SNRPB2: variants seen among roughly 807,000 people sequenced by gnomAD.
The protein encoded by SNRPB2 is small nuclear ribonucleoprotein polypeptide B2.
In SNRPB2, 16 loss-of-function variants were observed where a neutral mutation model predicts 26.3. That is an observed-to-expected ratio of 0.61 (90% CI 0.41 to 0.92). SNRPB2 has a LOEUF of 0.92. Among genes scored for constraint, SNRPB2 ranks in the 40% least tolerant of loss-of-function variants. The pLI is 0.00. For missense variants in SNRPB2, 179 were observed against 268.1 expected (o/e 0.67, Z 2.32); for synonymous variants, 75 against 89.0 (o/e 0.84, Z 0.88).
In SNRPB2 at chr20:16,740,415, T is replaced by C. The variant is rs1232190334; in HGVS notation, c.518+2T>C. ...GATGTTATCCATGCTGTTTAATCAG[T>C]AAGTTTTTTCATAAATAAGTCTGTT... is the stretch of plus-strand genomic sequence containing the variant. On this transcript the variant is annotated splice_donor_variant, in intron 6 of 6. Transcript: ENST00000246071. LOFTEE classifies it high-confidence loss of function. 6.2e-7 allele frequency: 1 copy of C among 1,610,676 alleles called. No homozygotes were observed. Among genetic ancestry groups the C allele is most frequent in the East Asian group, 2.2e-5 (1 of 44,808 alleles).
At position 16,741,812 on chromosome 20, in the gene SNRPB2, T is replaced by G. The variant is rs1018934490; in HGVS notation, c.*807T>G. On this transcript the variant is annotated 3_prime_UTR_variant, in exon 7 of 7. Transcript: ENST00000246071. ...TCTTTGTAATTCTTAAACACCAATG[T>G]TCAAATATTTCCAAAGCCCATTTTC... The G allele has an allele frequency of 6.6e-6, 1 of 152,228 alleles. No homozygotes were observed. The highest frequency in any genetic ancestry group is 2.4e-5 in the African/African-American group (1 of 41,470). The allele number at this position is 152,228 out of a possible 1,614,324, so 9.4% of individuals were successfully genotyped here. A position where few individuals can be genotyped will look rare whatever the true frequency, so the allele number is the denominator to read the frequency against.
Position 16,732,342 on chromosome 20 carries a change from C to T in SNRPB2, c.237+6C>T, listed in dbSNP as rs1167479429. On this transcript the variant is annotated splice_donor_region_variant and intron_variant, in intron 3 of 6. Transcript: ENST00000246071. The stretch of plus-strand genomic sequence containing the variant: ...CATTTTATGGTAAACCAATGGTAAG[C>T]CAATTCCATTATTTCACTTTAATCA... 6.7e-7 allele frequency: 1 copy of T among 1,483,572 alleles called. No homozygotes were observed. The highest frequency in any genetic ancestry group is 9.2e-7 in the Non-Finnish European group (1 of 1,091,166). The allele number at this position is 1,483,572 out of a possible 1,614,324, so 91.9% of individuals were successfully genotyped here. A position where few individuals can be genotyped will look rare whatever the true frequency, so the allele number is the denominator to read the frequency against.
chr20:16,742,094 T>TA lies in SNRPB2; in HGVS notation c.*1090dup, dbSNP rs1424501766. On this transcript the variant is annotated 3_prime_UTR_variant, in exon 7 of 7. Coordinates refer to ENST00000246071, the MANE Select transcript of SNRPB2 (RefSeq NM_003092.5). ...TACGTAGACAGTATCACATCACTCTTATGCATACATAAAGAGGAAAAAAAT... is the reference window on the plus strand; with the variant it reads ...TACGTAGACAGTATCACATCACTCTTAATGCATACATAAAGAGGAAAAAAAT... 6.6e-6 allele frequency: 1 copy of TA among 152,214 alleles called. No individual in the cohort carries two copies. Among genetic ancestry groups the TA allele is most frequent in the African/African-American group, 2.4e-5 (1 of 41,458 alleles). 9.4% of individuals were successfully genotyped at this position (152,214 alleles called of 1,614,324 possible).
chr20:16,737,458 T>G lies in SNRPB2; in HGVS notation c.378+57T>G, dbSNP rs2072433917. On this transcript the variant is annotated intron_variant, in intron 4 of 6. Transcript: ENST00000246071. ...TTGGTGTTAAAAACTTGATAGATGC[T>G]TGTCTTACAGGTAAGGAATGATCTT... is the stretch of plus-strand genomic sequence containing the variant. The G allele has an allele frequency of 2.7e-6, 4 of 1,464,490 alleles. No homozygotes were observed. The East Asian group carries it at 9.2e-5, about 34-fold the overall frequency. 90.7% of individuals were successfully genotyped at this position (1,464,490 alleles called of 1,614,324 possible).
intron 4 of SNRPB2, among the ~76,000 whole-genome samples, 171 bp from the exon 5 acceptor site, chr20:16,738,681 T>G (rs1404340280): frequency 2.0e-5 from 3 of 152,142 alleles, no homozygotes; most frequent in Non-Finnish European, 4.4e-5. Context: ...ATTAAGAACA[T>G]GAGTGTTTGA....
chr20:16,737,299 A>C lies in SNRPB2; in HGVS notation c.276A>C (p.Ser92=). 2 of 1,604,150 alleles carry C rather than the reference A, an allele frequency of 1.2e-6. No homozygotes were observed. The highest frequency in any genetic ancestry group is 1.7e-6 in the Non-Finnish European group (2 of 1,177,308). ...QYAKTDSDII[S]KMRGTFADKE... is the part of the protein sequence containing the mutation. ...CAAAAACAGATTCGGATATAATATC[A>C]AAAATGCGTGGAACTTTTGCTGACA... Residue 92 remains serine (S), a synonymous_variant, in exon 4 of 7, where the codon TCA becomes TCC. Transcript: ENST00000246071.
At chr20:16,736,494 G>T (rs538823477) in intron 3 of SNRPB2, among the ~76,000 whole-genome samples, 2 of 151,652 alleles carry the variant, frequency 1.3e-5, no homozygotes, top group African/African-American at 4.8e-5. Context: ...TCTAAAAAAT[G>T]AAAAAAAATT....
chr20:16,734,510 CT>C (rs992721311), intron 3 of SNRPB2, among the ~76,000 whole-genome samples: 1 of 152,228 alleles, frequency 6.6e-6, no homozygotes, highest in African/African-American at 2.4e-5. Context: ...GTCATGAAAA[CT>C]TTGGCATAAG....
intron 4 of SNRPB2, 145 bp from the exon 5 acceptor site, chr20:16,738,707 T>C (rs570683592): frequency 1.5e-6 from 1 of 660,880 alleles, no homozygotes; most frequent in South Asian, 1.7e-5. Context: ...TGTTAAGATA[T>C]AAATTCTTAA....
At position 16,740,827 on chromosome 20, in the gene SNRPB2, T is replaced by C. The variant is rs757047816; in HGVS notation, c.519-19T>C. The C allele has an allele frequency of 1.3e-6, 2 of 1,584,118 alleles. No individual in the cohort carries two copies. Among genetic ancestry groups the C allele is most frequent in the South Asian group, 2.2e-5 (2 of 90,096 alleles). On this transcript the variant is annotated intron_variant, in intron 6 of 6. Transcript: ENST00000246071. ...TTTATGTACTTGCTGTATACATGAA[T>C]TGTTTTTCTTCTTTATAGGTTCCCT... is the stretch of plus-strand genomic sequence containing the variant.
chr20:16,737,293 A>C lies in SNRPB2; in HGVS notation c.270A>C (p.Ile90=), dbSNP rs745398001. ...AGTATGCAAAAACAGATTCGGATAT[A>C]ATATCAAAAATGCGTGGAACTTTTG... ...RIQYAKTDSD[I]ISKMRGTFAD... Residue 90 remains isoleucine, a synonymous_variant, in exon 4 of 7, where the codon ATA becomes ATC. Transcript: ENST00000246071. 2 of 1,601,494 alleles carry C rather than the reference A, an allele frequency of 1.2e-6. 1 individual carries two copies. Among genetic ancestry groups the C allele is most frequent in the South Asian group, 2.3e-5 (2 of 87,448 alleles).
At chr20:16,735,356 A>G (rs148860275) in intron 3 of SNRPB2, among the ~76,000 whole-genome samples, 5 of 152,342 alleles carry the variant, frequency 3.3e-5, no homozygotes, top group African/African-American at 9.6e-5. Flanking sequence ...CATTTTGATC[A>G]GAGAGGCAAT....
chr20:16,737,905 G>A (rs1192835648), intron 4 of SNRPB2, among the ~76,000 whole-genome samples: 1 of 151,790 alleles, frequency 6.6e-6, no homozygotes, highest in Non-Finnish European at 1.5e-5. Flanking sequence ...TGGGCTTGGT[G>A]GTGGGTGCCT....
intron 4 of SNRPB2, 90 bp from the exon 5 acceptor site, chr20:16,738,762 T>C (rs1210498190): frequency 1.3e-6 from 1 of 743,246 alleles, no homozygotes; most frequent in East Asian, 2.7e-5. Flanking sequence ...GGAATTAATG[T>C]TATTTTTAAT....
At chr20:16,733,208 T>A (rs2072404373) in intron 3 of SNRPB2, among the ~76,000 whole-genome samples, 1 of 152,246 alleles carries the variant, frequency 6.6e-6, no homozygotes, top group Non-Finnish European at 1.5e-5. Flanking sequence ...AACAAATTGG[T>A]TGTTCTTTGG....
At chr20:16,730,344 TG>T (rs2072381040) in intron 1 of SNRPB2, among the ~76,000 whole-genome samples, 180 bp downstream of exon 1, 1 of 152,160 alleles carries the variant, frequency 6.6e-6, no homozygotes, top group Admixed American at 6.5e-5. Flanking sequence ...GGATAGTTAA[TG>T]TCAGTCTGCT....
intron 3 of SNRPB2, 84 bp from the exon 4 acceptor site, chr20:16,737,177 T>G: frequency 9.1e-7 from 1 of 1,103,322 alleles, no homozygotes. Flanking sequence ...GTAGTGTATT[T>G]GCGTAATGAA....
intron 6 of SNRPB2, 57 bp downstream of exon 6, chr20:16,740,470 A>G: frequency 1.3e-6 from 2 of 1,596,498 alleles, no homozygotes; most frequent in Admixed American, 3.5e-5. Flanking sequence ...GACAAGTAGT[A>G]CTTCCGTGGG....
intron 3 of SNRPB2, among the ~76,000 whole-genome samples, chr20:16,732,660 G>A (rs570419374): frequency 3.9e-5 from 6 of 152,222 alleles, no homozygotes; most frequent in Admixed American, 1.3e-4. Context: ...AAAACATTAC[G>A]AAACAAAAGT....
Sources: allele counts gnomAD v4.1 joint callset (sites outside exome capture counted in the v4.1 genomes callset), GRCh38; gene constraint gnomAD v4.1.1; transcripts MANE v1.5; gene names NCBI Gene and HGNC (gene_info 2026-07-23, HGNC 2026-07-21).